The following RPS6KA5 variants were observed in gnomAD, a reference collection of about 807,000 sequenced individuals.
RPS6KA5 encodes the protein ribosomal protein S6 kinase A5, also known as ribosomal protein S6 kinase alpha-5.
In RPS6KA5, 27 loss-of-function variants were observed where a neutral mutation model predicts 85.5. The observed-to-expected ratio is 0.32, with a 90% CI of 0.23 to 0.44. The LOEUF (loss-of-function observed/expected upper bound fraction) is 0.44, where lower values mean the gene tolerates loss of function less well. RPS6KA5 is among the 20% of genes least tolerant of loss of function. The probability of loss-of-function intolerance (pLI) is 1.00; values close to 1 mark genes in which losing one functional copy is unlikely to be tolerated. For synonymous variants in RPS6KA5, 334 were observed against 348.2 expected (o/e 0.96, Z 0.46); for missense variants, 811 against 980.9 (o/e 0.83, Z 2.31).
rs1274473335 is a variant in RPS6KA5 at position 90,854,238 on chromosome 14, ATGATTAATGT to A, written c.*17826_*17835del. The A allele has an allele frequency of 4.3e-4, 54 of 125,864 alleles. No homozygotes were observed. Among genetic ancestry groups the A allele is most frequent in the African/African-American group, 2.5e-3 (53 of 21,050 alleles). The allele number at this position is 125,864 out of a possible 1,614,324, so 7.8% of individuals were successfully genotyped here. On this transcript the variant is annotated 3_prime_UTR_variant, in exon 17 of 17. Coordinates refer to ENST00000614987, the MANE Select transcript of RPS6KA5 (RefSeq NM_004755.4). ...TTTATAATTCCTAAGTAATTATTAA[ATGATTAATGT>A]TTAATCATTAATCATTTAATAATAA...
chr14:90,872,345 C>A (rs763206039), intron 16 of RPS6KA5, 23 bp from the exon 17 acceptor site: 4 of 1,590,746 alleles, frequency 2.5e-6, no homozygotes, highest in Admixed American at 1.8e-5. Context: ...AAAAAGGGAA[C>A]CCCTGTGAAG....
intron 1 of RPS6KA5, among the ~76,000 whole-genome samples, chr14:91,028,958 A>G (rs182243055): frequency 2.6e-3 from 395 of 152,358 alleles, no homozygotes; most frequent in Non-Finnish European, 4.1e-3. Flanking sequence ...ATATATCTGA[A>G]GGGGTAGTAA....
At chr14:91,056,820 C>G in intron 1 of RPS6KA5, among the ~76,000 whole-genome samples, 1 of 132,060 alleles carries the variant, frequency 7.6e-6, no homozygotes, top group Non-Finnish European at 1.5e-5. Flanking sequence ...TCTTTGCTAA[C>G]TTTATACTTG....
At position 90,863,281 on chromosome 14, in the gene RPS6KA5, T is replaced by G; in HGVS notation, c.*8793A>C. Reference sequence around the variant, plus strand: ...TTGAGCCACTGCACTCCAGCCTGGGTGGCAGAGCGAGACTCCGTCTCAAAA... The same window carrying G: ...TTGAGCCACTGCACTCCAGCCTGGGGGGCAGAGCGAGACTCCGTCTCAAAA... On this transcript the variant is annotated 3_prime_UTR_variant, in exon 17 of 17. Transcript: ENST00000614987. 1 of 109,500 alleles carries G rather than the reference T, an allele frequency of 9.1e-6. No homozygotes were observed. Among genetic ancestry groups the G allele is most frequent in the East Asian group, 2.9e-4 (1 of 3,408 alleles). The allele number at this position is 109,500 out of a possible 1,614,324, so 6.8% of individuals were successfully genotyped here.
At chr14:90,928,598 T>C (rs2140312338) in intron 5 of RPS6KA5, among the ~76,000 whole-genome samples, 1 of 151,806 alleles carries the variant, frequency 6.6e-6, no homozygotes, top group Admixed American at 6.6e-5. Context: ...CTGAAGAAAC[T>C]GATGTCAAAG....
rs577750321 is a variant in RPS6KA5 at position 90,902,905 on chromosome 14, T to C, written c.1022A>G (p.Asp341Gly). The C allele has an allele frequency of 6.2e-7, 1 of 1,614,058 alleles. No homozygotes were observed. The highest frequency in any genetic ancestry group is 1.3e-5 in the African/African-American group (1 of 75,002). ...VPAPFKPVIR[D>G]ELDVSNFAEE... ...TGCAAAGTTACTCACATCTAATTCA[T>C]CTCGAATGACTGGCTTAAATGGTGC... The change falls in exon 9 of 17, where the codon GAT (aspartate) becomes GGT (glycine). Residue 341 changes from aspartate to glycine, a missense_variant. Asp to Gly is a moderately conservative substitution (Grantham distance 94). Coordinates refer to ENST00000614987, the MANE Select transcript of RPS6KA5 (RefSeq NM_004755.4).
intron 7 of RPS6KA5, among the ~76,000 whole-genome samples, chr14:90,919,828 ACT>A (rs1167180493): frequency 6.6e-6 from 1 of 152,202 alleles, no homozygotes; most frequent in African/African-American, 2.4e-5. Context: ...AAATATCATT[ACT>A]GTTTCTTCAT....
At chr14:91,055,689 G>A (rs1468900358) in intron 1 of RPS6KA5, among the ~76,000 whole-genome samples, 2 of 152,278 alleles carry the variant, frequency 1.3e-5, no homozygotes, top group East Asian at 3.9e-4. Context: ...TGAGGCAGGA[G>A]GATCTCTTGA....
intron 1 of RPS6KA5, among the ~76,000 whole-genome samples, chr14:91,007,717 T>C (rs911509520): frequency 1.3e-5 from 2 of 151,920 alleles, no homozygotes; most frequent in Non-Finnish European, 2.9e-5. Context: ...TTGTTTTTTT[T>C]TTTGGTAGTA....
intron 1 of RPS6KA5, among the ~76,000 whole-genome samples, chr14:91,040,897 T>C (rs2042583476): frequency 6.6e-6 from 1 of 152,194 alleles, no homozygotes; most frequent in Non-Finnish European, 1.5e-5. Context: ...TTAGTAACTT[T>C]AGTGAAAGCA....
In RPS6KA5 at chr14:90,849,746, T is replaced by A. The variant is rs1450424129; in HGVS notation, c.*22328A>T. 8.5e-5 allele frequency: 13 copies of A among 152,080 alleles called. 1 individual carries two copies. Among genetic ancestry groups the A allele is most frequent in the Non-Finnish European group, 1.8e-4 (12 of 68,002 alleles). 9.4% of individuals were successfully genotyped at this position (152,080 alleles called of 1,614,324 possible). On this transcript the variant is annotated 3_prime_UTR_variant, in exon 17 of 17. Coordinates refer to ENST00000614987, the MANE Select transcript of RPS6KA5 (RefSeq NM_004755.4). ...TACTTTATTGATGCTAATGTAGGGG[T>A]CAGCTAACAGTAACAAGCTACTACT...
intron 14 of RPS6KA5, among the ~76,000 whole-genome samples, chr14:90,882,224 G>A (rs1488311068): frequency 1.3e-5 from 2 of 152,048 alleles, no homozygotes; most frequent in Non-Finnish European, 2.9e-5. Context: ...ACTTGAATTT[G>A]TATCAGTTTA....
chr14:91,020,252 C>G (rs888113005), intron 1 of RPS6KA5, among the ~76,000 whole-genome samples: 2 of 148,088 alleles, frequency 1.4e-5, no homozygotes, highest in Non-Finnish European at 1.5e-5. Context: ...TCCATGGGTT[C>G]CAAATCTGTG....
At chr14:90,992,149 G>T (rs1297639921) in intron 2 of RPS6KA5, among the ~76,000 whole-genome samples, 1 of 152,026 alleles carries the variant, frequency 6.6e-6, no homozygotes, top group Admixed American at 6.6e-5. Context: ...TAAAATTTTT[G>T]AATAAAAATT....
At chr14:90,960,048 T>C (rs939515440) in intron 3 of RPS6KA5, among the ~76,000 whole-genome samples, 1 of 152,196 alleles carries the variant, frequency 6.6e-6, no homozygotes, top group African/African-American at 2.4e-5. Flanking sequence ...TCTCAGCGTT[T>C]GGATTAGTTC....
At chr14:90,927,937 CTT>C (rs386382140) in intron 5 of RPS6KA5, among the ~76,000 whole-genome samples, 3 of 136,486 alleles carry the variant, frequency 2.2e-5, no homozygotes, top group Non-Finnish European at 1.6e-5. Flanking sequence ...CTTTTCTTTT[CTT>C]TTTTTTTTTT....
intron 8 of RPS6KA5, among the ~76,000 whole-genome samples, chr14:90,903,864 T>C (rs1046399587): frequency 6.6e-6 from 1 of 152,156 alleles, no homozygotes; most frequent in Non-Finnish European, 1.5e-5. Flanking sequence ...CACTGTAACA[T>C]GCATACTGAT....
intron 1 of RPS6KA5, among the ~76,000 whole-genome samples, chr14:91,044,700 G>A (rs576850713): frequency 3.9e-5 from 6 of 151,926 alleles, no homozygotes; most frequent in Admixed American, 1.3e-4. Context: ...GTGAAACCCC[G>A]TCTGTACTAA....
At position 91,020,638 on chromosome 14, in the gene RPS6KA5, G is replaced by GTGTGTT. The variant is rs772879820; in HGVS notation, c.104-19480_104-19479insAACACA. ...ATTGTGTGTGTGTGTGTGTGTGTGT[G>GTGTGTT]TGTGTGTGTGTGTTTATATGTGTAT... On this transcript the variant is annotated intron_variant, in intron 1 of 16. Coordinates refer to ENST00000614987, the MANE Select transcript of RPS6KA5 (RefSeq NM_004755.4). Among the ~76,000 whole-genome samples, 1,046 of 149,310 alleles carry GTGTGTT rather than the reference G, an allele frequency of 7.0e-3. 36 individuals carry two copies. Among genetic ancestry groups the GTGTGTT allele is most frequent in the African/African-American group, 0.023 (899 of 39,646 alleles).
Sources: gnomAD v4.1 joint callset for allele counts (sites outside exome capture counted in the v4.1 genomes callset) on GRCh38, gnomAD v4.1.1 for gene constraint, MANE v1.5 for transcripts, NCBI Gene and HGNC (gene_info 2026-07-23, HGNC 2026-07-21) for gene names.